The following PCGF6 variants were observed in gnomAD, a reference collection of about 807,000 sequenced individuals.
PCGF6 encodes the protein polycomb group RING finger protein 6.
PCGF6 carries 24 observed loss-of-function variants against 45.5 expected under a neutral mutation model. The ratio of observed to expected loss-of-function variants is 0.53; its 90% CI spans 0.38 to 0.74. The LOEUF is 0.74. PCGF6 is among the 30% of genes least tolerant of loss of function. The pLI, the probability that PCGF6 is intolerant of heterozygous loss-of-function variation, is 0.00. For missense variants in PCGF6, 356 were observed against 443.2 expected (o/e 0.80, Z 1.77); for synonymous variants, 152 against 162.1 (o/e 0.94, Z 0.47).
At chr10:103,324,971 C>T (rs2093212145) in intron 8 of PCGF6, among the ~76,000 whole-genome samples, 1 of 150,374 alleles carries the variant, frequency 6.7e-6, no homozygotes, top group Non-Finnish European at 1.5e-5. Context: ...CCCATCTCTA[C>T]TAAAAATACA....
chr10:103,315,295 C>A (rs1271798669), intron 8 of PCGF6, among the ~76,000 whole-genome samples: 1 of 152,130 alleles, frequency 6.6e-6, no homozygotes, highest in Non-Finnish European at 1.5e-5. Context: ...AGGCAATCCT[C>A]CCACCTTAGC....
intron 6 of PCGF6, among the ~76,000 whole-genome samples, chr10:103,344,615 T>C (rs2133597344): frequency 6.7e-6 from 1 of 148,542 alleles, no homozygotes; most frequent in East Asian, 2.0e-4. Context: ...TAGGCTGGAG[T>C]GCAATGGCGC....
intron 9 of PCGF6, 30 bp from the exon 10 acceptor site, chr10:103,303,991 G>C: frequency 1.3e-6 from 2 of 1,593,156 alleles, no homozygotes; most frequent in Non-Finnish European, 1.7e-6. Flanking sequence ...AGACGATTTT[G>C]CAGTTCTTTC....
At chr10:103,308,005 G>A (rs1245095750) in intron 9 of PCGF6, among the ~76,000 whole-genome samples, 1 of 152,166 alleles carries the variant, frequency 6.6e-6, no homozygotes, top group African/African-American at 2.4e-5. Context: ...GGAGGCTGAG[G>A]CGAGCAGATC....
intron 7 of PCGF6, among the ~76,000 whole-genome samples, chr10:103,329,969 G>A (rs755462396): frequency 1.4e-5 from 2 of 147,388 alleles, no homozygotes; most frequent in Non-Finnish European, 3.0e-5. Context: ...TAGTAGAGAC[G>A]GGTGTTAGCC....
intron 9 of PCGF6, among the ~76,000 whole-genome samples, chr10:103,310,611 A>C (rs534618505): frequency 1.3e-5 from 2 of 152,152 alleles, no homozygotes; most frequent in Non-Finnish European, 2.9e-5. Context: ...AAAAAAGATA[A>C]TTCTTATAAT....
At chr10:103,325,245 G>C (rs2093213694) in intron 8 of PCGF6, among the ~76,000 whole-genome samples, 1 of 152,004 alleles carries the variant, frequency 6.6e-6, no homozygotes, top group South Asian at 2.1e-4. Flanking sequence ...AGCTTTGCTT[G>C]TTTTTTTGTT....
At chr10:103,315,739 G>A (rs936070171) in intron 8 of PCGF6, among the ~76,000 whole-genome samples, 18 of 152,190 alleles carry the variant, frequency 1.2e-4, no homozygotes, top group African/African-American at 2.4e-4. Flanking sequence ...ACTCCTAGTC[G>A]TAAGTGATCC....
chr10:103,348,828 G>A lies in PCGF6; in HGVS notation c.461-16C>T, dbSNP rs763628123. ...CTTTTACAAACTGTTGAAAAAGAAT[G>A]TTGAAGTCAGGATGCTTTCAAGACA... On this transcript the variant is annotated splice_polypyrimidine_tract_variant and intron_variant, in intron 2 of 9. Transcript: ENST00000369847. 1.2e-6 allele frequency: 2 copies of A among 1,606,128 alleles called. No individual in the cohort carries two copies. Among genetic ancestry groups the A allele is most frequent in the Non-Finnish European group, 1.7e-6 (2 of 1,175,280 alleles).
At position 103,350,863 on chromosome 10, in the gene PCGF6, G is replaced by C. The variant is rs1424930757; in HGVS notation, c.204C>G (p.Arg68=). The part of the protein sequence containing the change: ...GSRPPELEPE[R]SLGRFRGRFE... ...AGCGGCCTCTGAAGCGGCCCAGGCT[G>C]CGCTCCGGCTCCAGCTCAGGGGGCC... The change falls in exon 1 of 10, where the codon CGC becomes CGG. Residue 68 remains arginine (R), a synonymous_variant. Coordinates refer to ENST00000369847, the MANE Select transcript of PCGF6 (RefSeq NM_001011663.2). The C allele has an allele frequency of 1.3e-6, 2 of 1,540,130 alleles. No homozygotes were observed. The highest frequency in any genetic ancestry group is 2.8e-5 in the African/African-American group (2 of 71,918).
chr10:103,348,515 G>T lies in PCGF6; in HGVS notation c.557+201C>A, dbSNP rs190338298. The T allele has an allele frequency of 5.1e-5, 20 of 393,648 alleles. No individual in the cohort carries two copies. In the East Asian group the frequency reaches 9.3e-4, roughly 18 times the overall value. The allele number at this position is 393,648 out of a possible 1,614,324, so 24.4% of individuals were successfully genotyped here. A position where few individuals can be genotyped will look rare whatever the true frequency, so the allele number is the denominator to read the frequency against. On this transcript the variant is annotated intron_variant, in intron 3 of 9. Coordinates refer to ENST00000369847, the MANE Select transcript of PCGF6 (RefSeq NM_001011663.2). ...CCACTCCTGGCTAATAGTGGAGATG[G>T]GGTTTCACCATGTTGGCCAGGTTGG...
chr10:103,348,495 C>T (rs964683970), intron 3 of PCGF6: 1 of 347,698 alleles, frequency 2.9e-6, no homozygotes, highest in African/African-American at 2.2e-5. Flanking sequence ...TGCCGCCACT[C>T]CTGGCTAATA....
intron 7 of PCGF6, among the ~76,000 whole-genome samples, chr10:103,329,485 A>T (rs989925890): frequency 2.0e-5 from 3 of 151,842 alleles, no homozygotes; most frequent in Admixed American, 6.6e-5. Context: ...ATATACATAT[A>T]TATGTTTTTG....
rs541311763 is a variant in PCGF6 at position 103,341,402 on chromosome 10, G to A, written c.782+3622C>T. Among the ~76,000 whole-genome samples the A allele has an allele frequency of 4.3e-4, 65 of 151,074 alleles. 1 individual carries two copies. Among genetic ancestry groups the A allele is most frequent in the African/African-American group, 1.2e-3 (48 of 41,292 alleles). On this transcript the variant is annotated intron_variant, in intron 6 of 9. Coordinates refer to ENST00000369847, the MANE Select transcript of PCGF6 (RefSeq NM_001011663.2). The stretch of plus-strand genomic sequence containing the variant: ...CTCCCAAGTAGGTAGGACTAAAGGC[G>A]CGCACCACCATGCCTGGCTAATTTT...
intron 7 of PCGF6, among the ~76,000 whole-genome samples, chr10:103,332,500 T>C (rs751163929): frequency 2.6e-5 from 4 of 152,116 alleles, no homozygotes; most frequent in Non-Finnish European, 5.9e-5. Flanking sequence ...GGTCTTGAAC[T>C]CCTGGCTCCA....
intron 9 of PCGF6, among the ~76,000 whole-genome samples, chr10:103,312,184 G>A (rs2093159758): frequency 6.6e-6 from 1 of 151,564 alleles, no homozygotes; most frequent in Non-Finnish European, 1.5e-5. Context: ...AGGAGGTCAG[G>A]AGATCGAGAC....
intron 8 of PCGF6, among the ~76,000 whole-genome samples, chr10:103,322,889 C>CAAAA: frequency 7.0e-6 from 1 of 141,926 alleles, no homozygotes; most frequent in Admixed American, 7.0e-5. Context: ...AAAAAAAAAA[C>CAAAA]AAAAAACAAA....
At chr10:103,305,632 A>G (rs1334232767) in intron 9 of PCGF6, among the ~76,000 whole-genome samples, 1 of 152,066 alleles carries the variant, frequency 6.6e-6, no homozygotes, top group Middle Eastern at 3.2e-3. Context: ...AACTACTACA[A>G]CGCATCGCAG....
chr10:103,332,423 A>G (rs2093243441), intron 7 of PCGF6, among the ~76,000 whole-genome samples: 1 of 152,148 alleles, frequency 6.6e-6, no homozygotes, highest in African/African-American at 2.4e-5. Flanking sequence ...GGAACTGCCC[A>G]TGCCAACATG....
Sources: allele counts gnomAD v4.1 joint callset (sites outside exome capture counted in the v4.1 genomes callset), GRCh38; gene constraint gnomAD v4.1.1; transcripts MANE v1.5; gene names NCBI Gene and HGNC (gene_info 2026-07-23, HGNC 2026-07-21).